The following RBL1 variants were observed in gnomAD, a reference collection of about 807,000 sequenced individuals.
The protein encoded by RBL1 is RB transcriptional corepressor like 1.
RBL1 carries 82 observed loss-of-function variants against 123.0 expected under a neutral mutation model. That is an observed-to-expected ratio of 0.67 (90% CI 0.56 to 0.80). The LOEUF (loss-of-function observed/expected upper bound fraction) is 0.80, where lower values mean the gene tolerates loss of function less well. Ranked by LOEUF, RBL1 falls within the 30% of genes least tolerant of loss-of-function variation. The pLI is 0.00. For synonymous variants in RBL1, 405 were observed against 441.3 expected (o/e 0.92, Z 1.03); for missense variants, 1,171 against 1,299.6 (o/e 0.90, Z 1.52).
intron 13 of RBL1, 84 bp downstream of exon 13, chr20:37,044,002 A>G (rs980828126): frequency 2.1e-5 from 24 of 1,126,938 alleles, no homozygotes; most frequent in Admixed American, 2.8e-5. Flanking sequence ...GGTGAACTCT[A>G]TGGTATAGGA....
rs1168255221 is a variant in RBL1, at chr20:37,095,873, TC to T, written c.55del (p.Glu19ArgfsTer10). 1 of 1,605,298 alleles carries T rather than the reference TC, an allele frequency of 6.2e-7. No homozygotes were observed. On this transcript the variant is annotated frameshift_variant, in exon 1 of 22. Coordinates refer to ENST00000373664, the MANE Select transcript of RBL1 (RefSeq NM_002895.5). LOFTEE classifies it high-confidence loss of function. ...EGAAVVAAAG[E>X]ALQALCQELN... ...CTCCTGGCACAGGGCCTGTAGCGCC[TC>T]CCCGGCTGCGGCGACCACCGCCGCC...
At chr20:37,089,976 C>T (rs1190937303) in intron 1 of RBL1, among the ~76,000 whole-genome samples, 3 of 152,160 alleles carry the variant, frequency 2.0e-5, no homozygotes, top group Non-Finnish European at 2.9e-5. Flanking sequence ...AGCTTAAACT[C>T]GGGAGGCAGA....
chr20:37,060,510 C>T (rs1375128811), intron 9 of RBL1, among the ~76,000 whole-genome samples: 1 of 151,982 alleles, frequency 6.6e-6, no homozygotes. Flanking sequence ...GTTGGCCTGG[C>T]ATGGTCGCTC....
rs573090767 is a variant in RBL1, at chr20:37,095,318, G to A, written c.156+455C>T. Among the ~76,000 whole-genome samples the A allele has an allele frequency of 2.6e-5, 4 of 152,286 alleles. No homozygotes were observed. In the South Asian group the frequency reaches 6.2e-4, roughly 24 times the overall value. ...TCTCTAACCGTGTGACCTTGGGCCT[G>A]TAGCTTAACCCGTCTAGGGCTCCGC... On this transcript the variant is annotated intron_variant, in intron 1 of 21. Coordinates refer to ENST00000373664, the MANE Select transcript of RBL1 (RefSeq NM_002895.5).
chr20:37,066,872 T>C lies in RBL1; in HGVS notation c.698A>G (p.Asp233Gly), dbSNP rs1333465513. 6.2e-7 allele frequency: 1 copy of C among 1,613,100 alleles called. No homozygotes were observed. Among genetic ancestry groups the C allele is most frequent in the Non-Finnish European group, 8.5e-7 (1 of 1,179,774 alleles). ...AGCCGTAAAGTCAGCAGTATGAAAA[T>C]CAGATGGTAAACCTAGTTTGACAGT... ...LNPSFKGLPS[D>G]FHTADFTASE... is the part of the protein sequence containing the mutation. The change falls in exon 6 of 22, where the codon GAT becomes GGT. Residue 233 changes from aspartate (D) to glycine (G), a missense_variant. By Grantham distance (94) the Asp-to-Gly change is moderately conservative. Coordinates refer to ENST00000373664, the MANE Select transcript of RBL1 (RefSeq NM_002895.5).
At chr20:37,087,597 T>C (rs975546265) in intron 2 of RBL1, among the ~76,000 whole-genome samples, 20 of 152,022 alleles carry the variant, frequency 1.3e-4, no homozygotes, top group Non-Finnish European at 2.8e-4. Flanking sequence ...CTAAAAAAAT[T>C]TTTTTTAATT....
At chr20:37,077,787 GA>G (rs147186219) in intron 2 of RBL1, among the ~76,000 whole-genome samples, 6,919 of 117,794 alleles carry the variant, frequency 0.059, 209 homozygotes, top group African/African-American at 0.13. Context: ...TCTATTTTCT[GA>G]AAAAAAAAAA....
intron 11 of RBL1, among the ~76,000 whole-genome samples, chr20:37,052,316 C>T (rs1450714660): frequency 6.6e-6 from 1 of 151,938 alleles, no homozygotes; most frequent in African/African-American, 2.4e-5. Flanking sequence ...CAGGCGTGAG[C>T]CGCCGTGCCC....
chr20:37,079,894 G>A (rs764714349), intron 2 of RBL1, among the ~76,000 whole-genome samples: 9 of 152,080 alleles, frequency 5.9e-5, no homozygotes, highest in Non-Finnish European at 1.2e-4. Context: ...TTTAATTTTA[G>A]TGATTTCAAG....
intron 2 of RBL1, among the ~76,000 whole-genome samples, chr20:37,074,229 CAT>C (rs947781919): frequency 2.6e-5 from 4 of 151,952 alleles, no homozygotes; most frequent in Non-Finnish European, 5.9e-5. Context: ...GCCTGGGCAA[CAT>C]AGAGAGAACC....
In RBL1 at chr20:37,003,791, G is replaced by A. The variant is rs750668727; in HGVS notation, c.2947C>T (p.His983Tyr). The A allele has an allele frequency of 4.1e-5, 66 of 1,613,904 alleles. No individual in the cohort carries two copies. The highest frequency in any genetic ancestry group is 3.7e-5 in the Non-Finnish European group (44 of 1,179,936). ...TTGTGCGGGGAAATATAAATGGAGT[G>A]CTGCTGGGAAATGCGGCGTGGTGAG... is the stretch of plus-strand genomic sequence containing the variant. Reference protein sequence around the residue: ...PGSPRRISQQHSIYISPHKNG... With the variant: ...PGSPRRISQQYSIYISPHKNG... Residue 983 changes from histidine (H) to tyrosine (Y), a missense_variant, in exon 21 of 22, where the codon CAC becomes TAC. By Grantham distance (83) the His-to-Tyr change is moderately conservative. Transcript: ENST00000373664.
chr20:37,001,977 T>A (rs969885625), intron 21 of RBL1, among the ~76,000 whole-genome samples: 1 of 150,460 alleles, frequency 6.6e-6, no homozygotes, highest in African/African-American at 2.4e-5. Flanking sequence ...ACAACTGAAT[T>A]TACTGTATAA....
chr20:37,075,678 ACTC>A (rs1395231581), intron 2 of RBL1, among the ~76,000 whole-genome samples: 1 of 151,970 alleles, frequency 6.6e-6, no homozygotes, highest in Non-Finnish European at 1.5e-5. Flanking sequence ...GTGGTCTCAA[ACTC>A]CTGACCTCAG....
rs1203140564 is a variant in RBL1, at chr20:37,090,784, T to C, written c.157-1662A>G. 3.9e-5 allele frequency among the ~76,000 whole-genome samples: 6 copies of C among 152,302 alleles called. No homozygotes were observed. In the East Asian group the frequency reaches 1.2e-3, roughly 29 times the overall value. ...GAGCATGTTACTATACTAAATACTG[T>C]TGGTAAATGTAACACAATAGTAATT... On this transcript the variant is annotated intron_variant, in intron 1 of 21. Transcript: ENST00000373664.
At chr20:37,007,382 A>C in intron 20 of RBL1, 29 bp downstream of exon 20, 1 of 1,596,808 alleles carries the variant, frequency 6.3e-7, no homozygotes, top group South Asian at 1.1e-5. Flanking sequence ...ACAGCAAATA[A>C]TAATAAAGTA....
At position 37,087,663 on chromosome 20, in the gene RBL1, A is replaced by G. The variant is rs1051222946; in HGVS notation, c.290+1326T>C. Among the ~76,000 whole-genome samples, 3 of 152,186 alleles carry G rather than the reference A, an allele frequency of 2.0e-5. No homozygotes were observed. In the South Asian group the frequency reaches 6.2e-4, roughly 32 times the overall value. On this transcript the variant is annotated intron_variant, in intron 2 of 21. Coordinates refer to ENST00000373664, the MANE Select transcript of RBL1 (RefSeq NM_002895.5). ...ATTCTTCAAAAATGGTAATGTCATA[A>G]AAGAAAAAGAAAGGCTGTGGAAATG... is the stretch of plus-strand genomic sequence containing the variant.
At chr20:37,022,899 A>C (rs2064366369) in intron 16 of RBL1, 73 bp from the exon 17 acceptor site, 4 of 1,233,546 alleles carry the variant, frequency 3.2e-6, no homozygotes, top group Non-Finnish European at 4.5e-6. Context: ...TCTTACCAAG[A>C]CCAAGATTAA....
Position 37,043,739 on chromosome 20 carries a change from G to C in RBL1, c.1770+347C>G, listed in dbSNP as rs144462949. ...ATGAACCTTAAAAACATTATGCTAA[G>C]TGACAGATGCCCAGTCAAAAGGGAC... On this transcript the variant is annotated intron_variant, in intron 13 of 21. Coordinates refer to ENST00000373664, the MANE Select transcript of RBL1 (RefSeq NM_002895.5). 3.0e-4 allele frequency among the ~76,000 whole-genome samples: 46 copies of C among 152,232 alleles called. No individual in the cohort carries two copies. In the East Asian group the frequency reaches 8.5e-3, roughly 28 times the overall value.
At chr20:37,049,340 G>T (rs1600529478) in intron 11 of RBL1, 1 of 678,188 alleles carries the variant, frequency 1.5e-6, no homozygotes, top group Middle Eastern at 4.2e-4. Context: ...TAAAGACCAA[G>T]ATCCAGGATA....
Sources: gnomAD v4.1 joint callset for allele counts (sites outside exome capture counted in the v4.1 genomes callset) on GRCh38, gnomAD v4.1.1 for gene constraint, MANE v1.5 for transcripts, NCBI Gene and HGNC (gene_info 2026-07-23, HGNC 2026-07-21) for gene names.